The following TENM2 variants were observed in gnomAD, a reference collection of about 807,000 sequenced individuals.
TENM2 encodes teneurin-2.
In TENM2, 52 loss-of-function variants were observed where a neutral mutation model predicts 245.2. The observed-to-expected ratio is 0.21, with a 90% confidence interval of 0.17 to 0.27. The LOEUF is 0.27. Among genes scored for constraint, TENM2 ranks in the 10% least tolerant of loss-of-function variants. The pLI is 1.00. For synonymous variants in TENM2, 1,363 were observed against 1,438.9 expected (o/e 0.95, Z 1.19); for missense variants, 3,046 against 3,666.8 (o/e 0.83, Z 4.37).
rs560895218 is a variant in TENM2, at chr5:167,952,496, G to T, written c.713-92G>T. 3.7e-6 allele frequency: 4 copies of T among 1,073,942 alleles called. No individual in the cohort carries two copies. The African/African-American group carries it at 6.3e-5, about 17-fold the overall frequency. 66.5% of individuals were successfully genotyped at this position (1,073,942 alleles called of 1,614,324 possible). A position where few individuals can be genotyped will look rare whatever the true frequency, so the allele number is the denominator to read the frequency against. On this transcript the variant is annotated intron_variant, in intron 3 of 28. Transcript: ENST00000518659. ...AGCTTTCAGCAATTGTCAGCTTAGA[G>T]ACTTTGGTTTGAAACTCTCCTCCAG...
At chr5:167,263,650 C>T in the TENM2 span, among the ~76,000 whole-genome samples, 1 of 152,060 alleles carries the variant, frequency 6.6e-6, no homozygotes, top group South Asian at 2.1e-4. Flanking sequence ...CCAGTCTTCA[C>T]CATTCTGGTA....
intron 1 of TENM2, among the ~76,000 whole-genome samples, chr5:167,333,252 T>A (rs1431855538): frequency 6.6e-6 from 1 of 152,178 alleles, no homozygotes; most frequent in Admixed American, 6.5e-5. Context: ...ACACTCTTAT[T>A]GCTTCAGGAT....
At chr5:167,843,377 A>T (rs1769727722) in intron 2 of TENM2, among the ~76,000 whole-genome samples, 1 of 152,208 alleles carries the variant, frequency 6.6e-6, no homozygotes, top group Non-Finnish European at 1.5e-5. Flanking sequence ...TCTTACATAT[A>T]CATAGTAGAC....
intron 2 of TENM2, among the ~76,000 whole-genome samples, chr5:167,626,539 C>A (rs1778513112): frequency 6.6e-6 from 1 of 152,140 alleles, no homozygotes; most frequent in African/African-American, 2.4e-5. Context: ...TCACCTGGAG[C>A]TTTTTTAAAA....
intron 15 of TENM2, among the ~76,000 whole-genome samples, chr5:168,197,041 G>A (rs1039666842): frequency 5.9e-5 from 9 of 152,150 alleles, no homozygotes; most frequent in Non-Finnish European, 1.0e-4. Context: ...GCATAGTGGC[G>A]TGTGCCCCAA....
At chr5:168,051,695 G>C (rs1454455979) in intron 6 of TENM2, among the ~76,000 whole-genome samples, 1 of 152,196 alleles carries the variant, frequency 6.6e-6, no homozygotes, top group South Asian at 2.1e-4. Context: ...ACAAACACCA[G>C]CTCCATCACT....
chr5:167,759,590 G>A (rs75023825), intron 2 of TENM2, among the ~76,000 whole-genome samples: 4 of 152,266 alleles, frequency 2.6e-5, no homozygotes, highest in African/African-American at 7.2e-5. Flanking sequence ...CCAGAGGGAC[G>A]TGAGGAGAGA....
In TENM2 at chr5:167,328,406, C is replaced by G. The variant is rs531243847; in HGVS notation, c.226+43343C>G. On this transcript the variant is annotated intron_variant, in intron 1 of 28. Coordinates refer to ENST00000518659, the Ensembl canonical transcript of TENM2. ...GTATTTTTAGTAGAGATGGGTTTCA[C>G]CAAGAGATGGGGTTTCTTAACCTGG... is the stretch of plus-strand genomic sequence containing the variant. 2.6e-5 allele frequency among the ~76,000 whole-genome samples: 4 copies of G among 152,018 alleles called. No homozygotes were observed. The East Asian group carries it at 7.8e-4, about 30-fold the overall frequency.
At chr5:168,204,157 T>G (rs1019933988) in intron 18 of TENM2, among the ~76,000 whole-genome samples, 2 of 152,020 alleles carry the variant, frequency 1.3e-5, no homozygotes, top group Non-Finnish European at 2.9e-5. Flanking sequence ...ATTACAAGCT[T>G]CTTTGGTTAT....
the TENM2 span, among the ~76,000 whole-genome samples, chr5:167,274,329 C>T: frequency 6.6e-6 from 1 of 152,068 alleles, no homozygotes; most frequent in African/African-American, 2.4e-5. Flanking sequence ...TTCTGTGTAT[C>T]TCTAGTGCAT....
intron 25 of TENM2, among the ~76,000 whole-genome samples, chr5:168,235,651 A>C (rs1343826414): frequency 2.6e-5 from 4 of 152,196 alleles, no homozygotes; most frequent in Non-Finnish European, 5.9e-5. Context: ...TACTAAAAAT[A>C]CAAAAATTAG....
intron 1 of TENM2, among the ~76,000 whole-genome samples, chr5:167,336,945 G>A (rs1581776304): frequency 6.7e-6 from 1 of 150,092 alleles, no homozygotes; most frequent in Non-Finnish European, 1.5e-5. Flanking sequence ...GTGAAACCCC[G>A]TCTCTACTAA....
At chr5:167,181,369 C>T in the TENM2 span, among the ~76,000 whole-genome samples, 3 of 151,298 alleles carry the variant, frequency 2.0e-5, no homozygotes, top group Non-Finnish European at 2.9e-5. Context: ...TTCCTTCTTT[C>T]TCTTCATTCT....
intron 2 of TENM2, among the ~76,000 whole-genome samples, chr5:167,418,862 A>G (rs1310942298): frequency 1.3e-5 from 2 of 152,148 alleles, no homozygotes; most frequent in Non-Finnish European, 2.9e-5. Context: ...ATTACATCCT[A>G]TCCCTTGGCA....
At chr5:168,004,492 T>G (rs1476284458) in intron 5 of TENM2, among the ~76,000 whole-genome samples, 1 of 142,108 alleles carries the variant, frequency 7.0e-6, no homozygotes. Context: ...CAGCCCCCAT[T>G]TGGGATGCAC....
At chr5:167,306,659 A>G (rs1348187395) in intron 1 of TENM2, 1 of 152,188 alleles carries the variant, frequency 6.6e-6, no homozygotes, top group Non-Finnish European at 1.5e-5. Flanking sequence ...ATAAGGGCTC[A>G]TCATTAAAAT....
chr5:168,033,601 T>C (rs1787322605), intron 5 of TENM2, among the ~76,000 whole-genome samples: 1 of 152,180 alleles, frequency 6.6e-6, no homozygotes, highest in Non-Finnish European at 1.5e-5. Context: ...TTTCAAGCCA[T>C]TCTTTCATTC....
intron 2 of TENM2, among the ~76,000 whole-genome samples, chr5:167,413,413 A>G (rs1469174793): frequency 1.3e-5 from 2 of 152,172 alleles, no homozygotes; most frequent in African/African-American, 4.8e-5. Context: ...GTATGAGGTC[A>G]AAGCCCATAC....
chr5:168,249,123 CAAA>C (rs566693885), intron 27 of TENM2, among the ~76,000 whole-genome samples: 39 of 116,532 alleles, frequency 3.3e-4, no homozygotes, highest in Admixed American at 6.1e-4. Flanking sequence ...GACCCTGTCT[CAAA>C]AAAAAAAAAA....
Sources: allele counts gnomAD v4.1 joint callset (sites outside exome capture counted in the v4.1 genomes callset), GRCh38; gene constraint gnomAD v4.1.1; transcripts MANE v1.5; gene names NCBI Gene and HGNC (gene_info 2026-07-23, HGNC 2026-07-21).